ANKRD10: variants seen among roughly 807,000 people sequenced by gnomAD.
ANKRD10 encodes the protein ankyrin repeat domain 10.
In ANKRD10, 14 loss-of-function variants were observed where a neutral mutation model predicts 27.0. The observed-to-expected ratio is 0.52, with a 90% CI of 0.34 to 0.81. ANKRD10 has a LOEUF of 0.81. Ranked by LOEUF, ANKRD10 falls within the 40% of genes least tolerant of loss-of-function variation. The pLI, the probability that ANKRD10 is intolerant of heterozygous loss-of-function variation, is 0.01. For missense variants in ANKRD10, 493 were observed against 544.0 expected (o/e 0.91, Z 0.93); for synonymous variants, 250 against 224.5 (o/e 1.11, Z -1.01).
Position 110,906,050 on chromosome 13 carries a change from C to T in ANKRD10, c.438G>A (p.Ala146=), listed in dbSNP as rs746014087. ...GSLECISALV[A]NGAHVDLRNA... is the part of the protein sequence containing the mutation. ...ACACTTACTCGACGTGAGCCCCATT[C>T]GCCACAAGGGCACTGATGCATTCTA... Residue 146 remains alanine (A), a synonymous_variant, in exon 3 of 6, where the codon GCG becomes GCA. Transcript: ENST00000267339. 32 of 1,599,540 alleles carry T rather than the reference C, an allele frequency of 2.0e-5. No homozygotes were observed. Among genetic ancestry groups the T allele is most frequent in the East Asian group, 6.7e-5 (3 of 44,758 alleles).
rs1262459567 is a variant in ANKRD10 at position 110,879,603 on chromosome 13, G to C, written c.*34C>G. 2 of 1,539,878 alleles carry C rather than the reference G, an allele frequency of 1.3e-6. No homozygotes were observed. Among genetic ancestry groups the C allele is most frequent in the Admixed American group, 3.5e-5 (2 of 57,518 alleles). On this transcript the variant is annotated 3_prime_UTR_variant, in exon 6 of 6. Transcript: ENST00000267339. Reference sequence around the variant, plus strand: ...GTATTCTGAGCTGGCTACCAGGAAGGACTCCTGCGTTTCCGAGAGCCAGGT... The same window carrying C: ...GTATTCTGAGCTGGCTACCAGGAAGCACTCCTGCGTTTCCGAGAGCCAGGT...
intron 3 of ANKRD10, among the ~76,000 whole-genome samples, chr13:110,905,707 C>A (rs1378861458): frequency 6.6e-6 from 1 of 152,160 alleles, no homozygotes; most frequent in Non-Finnish European, 1.5e-5. Flanking sequence ...AGTTTAAAGA[C>A]CACAGTGACA....
chr13:110,913,941 C>T (rs2065798649), intron 1 of ANKRD10, among the ~76,000 whole-genome samples: 1 of 152,186 alleles, frequency 6.6e-6, no homozygotes, highest in Admixed American at 6.5e-5. Flanking sequence ...ACTGTGTTCC[C>T]CCAGAATTTT....
chr13:110,886,569 A>T (rs1235632506), intron 4 of ANKRD10, among the ~76,000 whole-genome samples: 2 of 152,186 alleles, frequency 1.3e-5, no homozygotes, highest in South Asian at 2.1e-4. Context: ...TAAGCCCGCA[A>T]TTATCTCTTT....
chr13:110,889,039 A>C (rs79249353), intron 4 of ANKRD10, among the ~76,000 whole-genome samples: 1 of 70,712 alleles, frequency 1.4e-5, no homozygotes, highest in Non-Finnish European at 3.3e-5. Flanking sequence ...AACAATTATC[A>C]ATCAGCAAAA....
intron 3 of ANKRD10, 46 bp downstream of exon 3, chr13:110,905,987 C>T: frequency 6.6e-7 from 1 of 1,512,490 alleles, no homozygotes; most frequent in Non-Finnish European, 9.0e-7. Flanking sequence ...AACAAAACAT[C>T]CTCAACTACA....
chr13:110,888,903 G>C lies in ANKRD10; in HGVS notation c.691+4125C>G, dbSNP rs191288464. Among the ~76,000 whole-genome samples the C allele has an allele frequency of 2.8e-4, 42 of 152,286 alleles. No individual in the cohort carries two copies. In the East Asian group the frequency reaches 3.9e-3, roughly 14 times the overall value. ...GCTGTGAAGTCAGTTTGACACTTGA[G>C]ATCTGCTGTCACCACAGCCTACTTC... On this transcript the variant is annotated intron_variant, in intron 4 of 5. Transcript: ENST00000267339.
At chr13:110,913,542 G>T (rs1455096209) in intron 1 of ANKRD10, among the ~76,000 whole-genome samples, 1 of 152,050 alleles carries the variant, frequency 6.6e-6, no homozygotes, top group African/African-American at 2.4e-5. Flanking sequence ...TTCTTTTATT[G>T]AAAGAAAAGT....
chr13:110,888,543 G>A (rs2064994527), intron 4 of ANKRD10, among the ~76,000 whole-genome samples: 1 of 152,004 alleles, frequency 6.6e-6, no homozygotes, highest in African/African-American at 2.4e-5. Flanking sequence ...TAAACTAGAA[G>A]GAACTAAATT....
At chr13:110,910,510 A>C in intron 2 of ANKRD10, 108 bp downstream of exon 2, 2 of 1,361,924 alleles carry the variant, frequency 1.5e-6, no homozygotes, top group Non-Finnish European at 2.0e-6. Context: ...CCCTCAGGTA[A>C]AGATATCAAA....
rs1206967478 is a variant in ANKRD10 at position 110,893,058 on chromosome 13, C to T, written c.661G>A (p.Asp221Asn). ...GTTCTAGCTTTCTTTACTCCAAAGT[C>T]TTCTGAGTCTTCCAAGCATCTCTTT... Reference protein sequence around the residue: ...NRKRCLEDSEDFGVKKARTEA... With the variant: ...NRKRCLEDSENFGVKKARTEA... Residue 221 changes from aspartate (D) to asparagine (N), a missense_variant, in exon 4 of 6, where the codon GAC (aspartate) becomes AAC (asparagine). Transcript: ENST00000267339. 6.2e-7 allele frequency: 1 copy of T among 1,614,212 alleles called. No individual in the cohort carries two copies.
Position 110,895,886 on chromosome 13 carries a change from T to C in ANKRD10, c.456-2623A>G, listed in dbSNP as rs187387013. ...GCACTGGTAAGCTCTCCCACTTCAC[T>C]TTTTCCCCTGCCAAAGGTAGTTAAA... is the stretch of plus-strand genomic sequence containing the variant. On this transcript the variant is annotated intron_variant, in intron 3 of 5. Transcript: ENST00000267339. Among the ~76,000 whole-genome samples, 97 of 152,294 alleles carry C rather than the reference T, an allele frequency of 6.4e-4. No individual in the cohort carries two copies. In the East Asian group the frequency reaches 0.017, roughly 26 times the overall value.
chr13:110,907,021 A>T (rs1433886276), intron 2 of ANKRD10, among the ~76,000 whole-genome samples: 1 of 152,180 alleles, frequency 6.6e-6, no homozygotes, highest in Non-Finnish European at 1.5e-5. Flanking sequence ...AAGAGAAGAA[A>T]GTGCTTTCCG....
chr13:110,904,820 C>T (rs4773271), intron 3 of ANKRD10, among the ~76,000 whole-genome samples: 150,440 of 152,290 alleles, frequency 0.99, 74,340 homozygotes, highest in East Asian at 1. Flanking sequence ...TTTATAATAC[C>T]AGATCACTAT....
chr13:110,914,350 G>A (rs531416272), intron 1 of ANKRD10, among the ~76,000 whole-genome samples: 2 of 152,216 alleles, frequency 1.3e-5, no homozygotes, highest in African/African-American at 4.8e-5. Flanking sequence ...CGCGCCTCCG[G>A]CCCGGCCTGG....
intron 1 of ANKRD10, 56 bp downstream of exon 1, chr13:110,914,669 C>T (rs1256026522): frequency 2.0e-6 from 3 of 1,513,666 alleles, no homozygotes; most frequent in Non-Finnish European, 2.7e-6. Context: ...GACCCGCTTT[C>T]CCCGACTCCC....
At chr13:110,900,310 C>T (rs972249735) in intron 3 of ANKRD10, among the ~76,000 whole-genome samples, 1 of 152,144 alleles carries the variant, frequency 6.6e-6, no homozygotes, top group African/African-American at 2.4e-5. Context: ...TGTCACATCA[C>T]CTTCAGGATG....
chr13:110,900,591 A>G (rs777626229), intron 3 of ANKRD10: 5 of 1,351,832 alleles, frequency 3.7e-6, no homozygotes, highest in Non-Finnish European at 4.9e-6. Context: ...CCACAACTGT[A>G]AGGTTTTCGG....
Position 110,893,085 on chromosome 13 carries a change from G to C in ANKRD10, c.634C>G (p.Arg212Gly). 6.2e-7 allele frequency: 1 copy of C among 1,614,170 alleles called. No individual in the cohort carries two copies. Among genetic ancestry groups the C allele is most frequent in the Non-Finnish European group, 8.5e-7 (1 of 1,180,028 alleles). ...TCTGAGTCTTCCAAGCATCTCTTTC[G>C]ATTTGTTCCCACACTAATATGATTA... ...FPNHISVGTN[R>G]KRCLEDSEDF... The change falls in exon 4 of 6, where the codon CGA becomes GGA. Residue 212 changes from arginine to glycine, a missense_variant. Arg to Gly is a moderately radical substitution (Grantham distance 125). Transcript: ENST00000267339.
Sources: gnomAD v4.1 joint callset for allele counts (sites outside exome capture counted in the v4.1 genomes callset) on GRCh38, gnomAD v4.1.1 for gene constraint, MANE v1.5 for transcripts, NCBI Gene and HGNC (gene_info 2026-07-23, HGNC 2026-07-21) for gene names.